DHX57: variants seen among roughly 807,000 people sequenced by gnomAD.
The protein encoded by DHX57 is DExH-box helicase 57.
A neutral mutation model predicts 156.2 loss-of-function variants in DHX57; 105 were observed. The observed-to-expected ratio is 0.67, with a 90% CI of 0.57 to 0.79. The LOEUF (loss-of-function observed/expected upper bound fraction) is 0.79, where lower values mean the gene tolerates loss of function less well. Among genes scored for constraint, DHX57 ranks in the 30% least tolerant of loss-of-function variants. The pLI, the probability that DHX57 is intolerant of heterozygous loss-of-function variation, is 0.00. For synonymous variants in DHX57, 704 were observed against 595.6 expected (o/e 1.18, Z -2.65); for missense variants, 1,847 against 1,661.9 (o/e 1.11, Z -1.94).
At chr2:38,832,397 C>T (rs1325394030) in intron 13 of DHX57, among the ~76,000 whole-genome samples, 3 of 152,006 alleles carry the variant, frequency 2.0e-5, no homozygotes, top group African/African-American at 4.8e-5. Flanking sequence ...GAGATTGCGC[C>T]ACTGCACCTC....
intron 1 of DHX57, among the ~76,000 whole-genome samples, chr2:38,871,748 C>T (rs889106094): frequency 1.3e-5 from 2 of 150,994 alleles, no homozygotes; most frequent in Non-Finnish European, 2.9e-5. Context: ...ACTCTGTTGC[C>T]CCAGCTGGAG....
At chr2:38,873,790 A>G (rs1431435119) in intron 1 of DHX57, among the ~76,000 whole-genome samples, 2 of 152,238 alleles carry the variant, frequency 1.3e-5, no homozygotes, top group East Asian at 3.8e-4. Flanking sequence ...CATTAAACAA[A>G]TAGATATATA....
chr2:38,855,534 C>T lies in DHX57; in HGVS notation c.1710-282G>A, dbSNP rs115301574. ...TAAGGTCTGTAAATGCTTCTAGGAA[C>T]GTAAACTCTACACATGAACCCCAAA... On this transcript the variant is annotated intron_variant, in intron 7 of 23. Transcript: ENST00000457308. 3.3e-3 allele frequency among the ~76,000 whole-genome samples: 503 copies of T among 152,204 alleles called. 5 individuals are homozygous for T. The highest frequency in any genetic ancestry group is 0.011 in the African/African-American group (458 of 41,528).
At chr2:38,827,533 T>TACAC (rs56064954) in intron 14 of DHX57, among the ~76,000 whole-genome samples, 2 of 48,272 alleles carry the variant, frequency 4.1e-5, no homozygotes, top group African/African-American at 1.3e-4. Context: ...TATATATATA[T>TACAC]ACACACATAC....
At position 38,827,409 on chromosome 2, in the gene DHX57, C is replaced by G. The variant is rs533617100; in HGVS notation, c.2640-720G>C. 2.7e-3 allele frequency among the ~76,000 whole-genome samples: 377 copies of G among 140,704 alleles called. 1 individual carries two copies. Among genetic ancestry groups the G allele is most frequent in the African/African-American group, 9.5e-3 (365 of 38,310 alleles). 92.3% of individuals were successfully genotyped at this position (140,704 alleles called of 152,430 possible). On this transcript the variant is annotated intron_variant, in intron 14 of 23. Coordinates refer to ENST00000457308, the MANE Select transcript of DHX57 (RefSeq NM_198963.3). ...GCTGAGGCAGAAGAATCACTTGAAC[C>G]TGGGAGGCGGAGGTTGCAGTGAGCC...
chr2:38,861,366 A>G lies in DHX57; in HGVS notation c.1044T>C (p.Asp348=). ...TTTCAAGTTCATATAAAAAAGATGCATCTTCAATAGCATTAAGATGAGAAT... is the reference window on the plus strand; with the variant it reads ...TTTCAAGTTCATATAAAAAAGATGCGTCTTCAATAGCATTAAGATGAGAAT... ...VDDSHLNAIE[D]ASFLYELEIR... is the part of the protein sequence containing the mutation. The change falls in exon 5 of 24, where the codon GAT becomes GAC. Residue 348 remains aspartate (D), a synonymous_variant. Transcript: ENST00000457308. 2 of 1,613,538 alleles carry G rather than the reference A, an allele frequency of 1.2e-6. No homozygotes were observed. The highest frequency in any genetic ancestry group is 1.7e-6 in the Non-Finnish European group (2 of 1,179,848).
At chr2:38,865,050 A>C (rs1230956888) in intron 2 of DHX57, among the ~76,000 whole-genome samples, 3 of 151,292 alleles carry the variant, frequency 2.0e-5, no homozygotes, top group Admixed American at 6.6e-5. Context: ...TCCAAAAACC[A>C]CTCTCTTAGT....
chr2:38,837,626 A>G (rs1558381742), intron 13 of DHX57, among the ~76,000 whole-genome samples: 1 of 150,278 alleles, frequency 6.7e-6, no homozygotes, highest in Non-Finnish European at 1.5e-5. Flanking sequence ...AAAAAAAAAG[A>G]TAAAGACTTT....
intron 21 of DHX57, chr2:38,811,299 C>A (rs1012181414): frequency 2.5e-5 from 13 of 524,114 alleles, no homozygotes; most frequent in Non-Finnish European, 4.9e-5. Flanking sequence ...TCAAACCAGA[C>A]CTGATCGTTC....
chr2:38,844,689 T>A (rs1262310030), intron 11 of DHX57, among the ~76,000 whole-genome samples: 1 of 131,560 alleles, frequency 7.6e-6, no homozygotes. Context: ...AAGAAATGAT[T>A]AATTTTTAAT....
At chr2:38,837,086 T>C (rs1436039246) in intron 13 of DHX57, among the ~76,000 whole-genome samples, 2 of 152,124 alleles carry the variant, frequency 1.3e-5, no homozygotes, top group African/African-American at 2.4e-5. Flanking sequence ...TGGACTCAAA[T>C]GATTCACCTT....
chr2:38,836,086 G>C (rs1051342682), intron 13 of DHX57, among the ~76,000 whole-genome samples: 2 of 152,240 alleles, frequency 1.3e-5, no homozygotes, highest in Non-Finnish European at 2.9e-5. Flanking sequence ...CTGGCAGAAA[G>C]ACTCAAGACT....
At chr2:38,812,515 G>T (rs901289805) in intron 21 of DHX57, among the ~76,000 whole-genome samples, 16 of 152,190 alleles carry the variant, frequency 1.1e-4, no homozygotes, top group Non-Finnish European at 2.2e-4. Context: ...GCCACAGGTG[G>T]TCTTATGGCA....
intron 6 of DHX57, chr2:38,856,729 T>A (rs1672920331): frequency 4.0e-6 from 1 of 248,092 alleles, no homozygotes; most frequent in Non-Finnish European, 7.7e-6. Flanking sequence ...CTCAAACTCC[T>A]GTGCTCAAGA....
chr2:38,808,049 G>C (rs1670049336), intron 21 of DHX57, among the ~76,000 whole-genome samples: 1 of 148,960 alleles, frequency 6.7e-6, no homozygotes, highest in African/African-American at 2.5e-5. Context: ...CCGCCTCTCG[G>C]GTTCAAGTGA....
At chr2:38,867,998 G>A (rs1434284338) in intron 2 of DHX57, among the ~76,000 whole-genome samples, 184 bp downstream of exon 2, 1 of 152,162 alleles carries the variant, frequency 6.6e-6, no homozygotes, top group African/African-American at 2.4e-5. Context: ...AATTCACAGT[G>A]TCATGCAACC....
chr2:38,869,450 T>G (rs1030487368), intron 1 of DHX57, among the ~76,000 whole-genome samples: 2 of 152,206 alleles, frequency 1.3e-5, no homozygotes, highest in African/African-American at 4.8e-5. Flanking sequence ...AAGTTCCTTT[T>G]TGGGATTAGA....
At chr2:38,817,104 T>A (rs1167690073) in intron 19 of DHX57, among the ~76,000 whole-genome samples, 2 of 152,118 alleles carry the variant, frequency 1.3e-5, no homozygotes, top group African/African-American at 4.8e-5. Flanking sequence ...CTAATTTTTA[T>A]ATTTTTTTGT....
chr2:38,829,189 C>T lies in DHX57; in HGVS notation c.2543-753G>A, dbSNP rs191645972. ...AACTCCTGGACTCAAGTGATCCACCCGCCTCAGCCTACCAAAATGCTGGGA... is the reference window on the plus strand; with the variant it reads ...AACTCCTGGACTCAAGTGATCCACCTGCCTCAGCCTACCAAAATGCTGGGA... On this transcript the variant is annotated intron_variant, in intron 13 of 23. Coordinates refer to ENST00000457308, the MANE Select transcript of DHX57 (RefSeq NM_198963.3). Among the ~76,000 whole-genome samples, 10 of 152,238 alleles carry T rather than the reference C, an allele frequency of 6.6e-5. No homozygotes were observed. In the East Asian group the frequency reaches 1.3e-3, roughly 21 times the overall value.
Sources: allele counts gnomAD v4.1 joint callset (sites outside exome capture counted in the v4.1 genomes callset), GRCh38; gene constraint gnomAD v4.1.1; transcripts MANE v1.5; gene names NCBI Gene and HGNC (gene_info 2026-07-23, HGNC 2026-07-21).